ITCH: variants seen among roughly 807,000 people sequenced by gnomAD.
ITCH encodes the protein itchy E3 ubiquitin protein ligase, also known as E3 ubiquitin-protein ligase Itchy homolog.
A neutral mutation model predicts 126.8 loss-of-function variants in ITCH; 28 were observed. The observed-to-expected ratio is 0.22, with a 90% confidence interval of 0.16 to 0.30. The LOEUF (loss-of-function observed/expected upper bound fraction) is 0.30, where lower values mean the gene tolerates loss of function less well. ITCH is among the 10% of genes least tolerant of loss of function. ITCH has a pLI of 1.00. For missense variants in ITCH, 631 were observed against 1,032.4 expected, an observed-to-expected ratio of 0.61 and a Z score of 5.33; for synonymous variants, 342 against 340.0, an observed-to-expected ratio of 1.01 and a Z score of -0.06.
intron 17 of ITCH, among the ~76,000 whole-genome samples, chr20:34,478,965 C>T (rs1419047271): frequency 6.6e-6 from 1 of 152,108 alleles, no homozygotes; most frequent in African/African-American, 2.4e-5. Flanking sequence ...AGATTACAGG[C>T]TTATGCCACA....
intron 1 of ITCH, among the ~76,000 whole-genome samples, chr20:34,365,415 C>T (rs1035780558): frequency 6.6e-6 from 1 of 152,058 alleles, no homozygotes; most frequent in Non-Finnish European, 1.5e-5. Context: ...GAAAAAAATA[C>T]ATCTTTTTCG....
intron 14 of ITCH, chr20:34,466,195 CATTCTGTTAATGTGGT>C (rs1987045084): frequency 3.5e-6 from 1 of 282,794 alleles, no homozygotes; most frequent in Non-Finnish European, 7.0e-6. Flanking sequence ...TTCCCCCCCT[CATTCTGTTAATGTGGT>C]ATATTATGTT....
chr20:34,474,590 G>A (rs1035573604), intron 16 of ITCH, among the ~76,000 whole-genome samples: 3 of 152,194 alleles, frequency 2.0e-5, no homozygotes, highest in Non-Finnish European at 2.9e-5. Flanking sequence ...GCAACCATCC[G>A]ATTTCTCAAT....
At chr20:34,471,547 C>A in intron 16 of ITCH, 32 bp downstream of exon 16, 1 of 1,373,346 alleles carries the variant, frequency 7.3e-7, no homozygotes, top group South Asian at 1.2e-5. Flanking sequence ...AATTTCCCCC[C>A]TGGCTGCTAG....
intron 2 of ITCH, among the ~76,000 whole-genome samples, chr20:34,374,599 A>G (rs1002665561): frequency 6.6e-6 from 1 of 152,174 alleles, no homozygotes; most frequent in African/African-American, 2.4e-5. Flanking sequence ...TAGGCTGAGC[A>G]TTGTAAATTT....
chr20:34,482,387 GT>G (rs1372085170), intron 20 of ITCH, among the ~76,000 whole-genome samples: 6 of 152,188 alleles, frequency 3.9e-5, no homozygotes, highest in African/African-American at 1.2e-4. Flanking sequence ...AAGCAACTTA[GT>G]TACTTCCTAC....
chr20:34,442,222 T>C lies in ITCH; in HGVS notation c.884T>C (p.Val295Ala). Residue 295 changes from valine (V) to alanine (A), a missense_variant, in exon 10 of 25, where the codon GTG (valine) becomes GCG (alanine). Val to Ala is a moderately conservative substitution (Grantham distance 64). This residue lies in a region of ITCH where 390 missense variants were observed against 731.6 expected (regional missense o/e 0.53). Transcript: ENST00000374864. ...APLPPGWEQR[V>A]DQHGRVYYVD... ...TTGTATTTAAGTTGGGAGCAGAGAG[T>C]GGACCAGCACGGGCGAGTTTACTAT... 1 of 1,613,786 alleles carries C rather than the reference T, an allele frequency of 6.2e-7. No homozygotes were observed. The highest frequency in any genetic ancestry group is 8.5e-7 in the Non-Finnish European group (1 of 1,179,738).
intron 20 of ITCH, among the ~76,000 whole-genome samples, chr20:34,483,167 G>A (rs1988877011): frequency 1.3e-5 from 2 of 152,090 alleles, no homozygotes; most frequent in Admixed American, 1.3e-4. Flanking sequence ...GTGATAGGAG[G>A]GGCTTCCATG....
At chr20:34,480,857 CCTGT>C in intron 19 of ITCH, 125 bp downstream of exon 19, 1 of 991,772 alleles carries the variant, frequency 1.0e-6, no homozygotes, top group Non-Finnish European at 1.5e-6. Context: ...ATATATCAAA[CCTGT>C]CTTTTTATTC....
At chr20:34,388,733 TCAC>T (rs1032020739) in intron 2 of ITCH, among the ~76,000 whole-genome samples, 33 of 152,324 alleles carry the variant, frequency 2.2e-4, no homozygotes, top group Middle Eastern at 6.8e-3. Context: ...TCCAAAACAC[TCAC>T]CACTGTCTAA....
At chr20:34,455,134 A>G (rs1339695221) in intron 12 of ITCH, among the ~76,000 whole-genome samples, 1 of 152,186 alleles carries the variant, frequency 6.6e-6, no homozygotes, top group East Asian at 1.9e-4. Flanking sequence ...CAGGACCAAT[A>G]GTTAACCAAT....
chr20:34,488,686 C>G (rs1366629048), intron 20 of ITCH, among the ~76,000 whole-genome samples: 3 of 151,536 alleles, frequency 2.0e-5, no homozygotes, highest in African/African-American at 7.3e-5. Context: ...GCACTCCAGC[C>G]TGAGTGACAG....
intron 23 of ITCH, among the ~76,000 whole-genome samples, chr20:34,493,486 G>A (rs1466092874): frequency 6.6e-6 from 1 of 152,180 alleles, no homozygotes; most frequent in Admixed American, 6.5e-5. Context: ...GCAATGATGA[G>A]AACCTGATCT....
chr20:34,456,517 G>T (rs1986011771), intron 12 of ITCH, among the ~76,000 whole-genome samples: 1 of 148,334 alleles, frequency 6.7e-6, no homozygotes, highest in Non-Finnish European at 1.5e-5. Flanking sequence ...AAATCAAGTT[G>T]TACAAGTTGT....
intron 8 of ITCH, among the ~76,000 whole-genome samples, chr20:34,439,537 A>G (rs905203741): frequency 3.9e-5 from 6 of 152,210 alleles, no homozygotes; most frequent in African/African-American, 1.4e-4. Flanking sequence ...CGGCCTCCCA[A>G]AGTGTGGGAG....
intron 23 of ITCH, among the ~76,000 whole-genome samples, chr20:34,494,067 A>G (rs1051715006): frequency 6.6e-6 from 1 of 152,196 alleles, no homozygotes; most frequent in Non-Finnish European, 1.5e-5. Flanking sequence ...CGTCTCTACT[A>G]AAAATACAAA....
chr20:34,427,713 G>A (rs552981362), intron 7 of ITCH, among the ~76,000 whole-genome samples: 79 of 152,268 alleles, frequency 5.2e-4, no homozygotes, highest in Admixed American at 1.4e-3. Context: ...ATTATATTTA[G>A]TAGAAGATTT....
intron 12 of ITCH, among the ~76,000 whole-genome samples, chr20:34,449,738 C>A (rs1185459743): frequency 2.0e-5 from 3 of 151,978 alleles, no homozygotes; most frequent in Non-Finnish European, 4.4e-5. Flanking sequence ...ATACTGATCA[C>A]CCAGCAATAA....
chr20:34,478,731 TTTATA>T (rs1353712263), intron 17 of ITCH, among the ~76,000 whole-genome samples: 1 of 152,228 alleles, frequency 6.6e-6, no homozygotes, highest in Non-Finnish European at 1.5e-5. Flanking sequence ...GTAGTTCTTA[TTTATA>T]TTATGTTTCT....
Sources: gnomAD v4.1 joint callset for allele counts (sites outside exome capture counted in the v4.1 genomes callset) on GRCh38, gnomAD v4.1.1 for gene constraint, gnomAD v4.1.1 regional missense constraint, MANE v1.5 for transcripts, NCBI Gene and HGNC (gene_info 2026-07-23, HGNC 2026-07-21) for gene names.